PROCR: variants seen among roughly 807,000 people sequenced by gnomAD.
PROCR encodes the protein protein C receptor.
PROCR carries 22 observed loss-of-function variants against 24.2 expected under a neutral mutation model. The observed-to-expected ratio is 0.91, with a 90% CI of 0.65 to 1.30. The LOEUF (loss-of-function observed/expected upper bound fraction) is 1.30, where lower values mean the gene tolerates loss of function less well. Among genes scored for constraint, PROCR ranks in the 50% most tolerant of loss-of-function variants. The pLI is 0.00. For synonymous variants in PROCR, 137 were observed against 139.2 expected (o/e 0.98, Z 0.11); for missense variants, 288 against 307.7 (o/e 0.94, Z 0.48).
intron 1 of PROCR, among the ~76,000 whole-genome samples, chr20:35,185,066 A>C (rs1162129634): frequency 2.6e-5 from 4 of 151,788 alleles, no homozygotes; most frequent in Non-Finnish European, 4.4e-5. Flanking sequence ...CCCAACAAAA[A>C]GTGGGCTAAG....
At chr20:35,200,954 A>G (rs923824834) in intron 1 of PROCR, among the ~76,000 whole-genome samples, 5 of 152,204 alleles carry the variant, frequency 3.3e-5, no homozygotes, top group Middle Eastern at 3.4e-3. Flanking sequence ...GGCCTTAAAC[A>G]TAACTTATAT....
downstream of PROCR, among the ~76,000 whole-genome samples, chr20:35,177,902 T>G (rs1160846016): frequency 6.6e-6 from 1 of 152,138 alleles, no homozygotes; most frequent in South Asian, 2.1e-4. Context: ...TTTAAAACTG[T>G]TCTGTCTACT....
At chr20:35,181,139 A>C (rs2086074750), downstream of PROCR, among the ~76,000 whole-genome samples, 1 of 151,944 alleles carries the variant, frequency 6.6e-6, no homozygotes, top group Non-Finnish European at 1.5e-5. Context: ...AAGTGCTGGG[A>C]TTACAGGCGT....
intron 1 of PROCR, among the ~76,000 whole-genome samples, chr20:35,206,286 A>T (rs2146177485): frequency 6.6e-6 from 1 of 151,828 alleles, no homozygotes; most frequent in Non-Finnish European, 1.5e-5. Context: ...CAGCCTGGCC[A>T]ACATAGTGAA....
intron 1 of PROCR, among the ~76,000 whole-genome samples, chr20:35,185,932 G>A (rs2086121934): frequency 6.6e-6 from 1 of 152,168 alleles, no homozygotes; most frequent in Admixed American, 6.5e-5. Context: ...ACAAGTGTTG[G>A]CAAGAATGTG....
At chr20:35,171,554 A>G (rs2085950569), upstream of PROCR, among the ~76,000 whole-genome samples, 1 of 152,180 alleles carries the variant, frequency 6.6e-6, no homozygotes, top group African/African-American at 2.4e-5. Flanking sequence ...CTTTACACTC[A>G]TTTTATGACT....
chr20:35,215,723 C>A (rs2060379966), intron 1 of PROCR, among the ~76,000 whole-genome samples: 1 of 152,106 alleles, frequency 6.6e-6, no homozygotes, highest in South Asian at 2.1e-4. Flanking sequence ...TCCTTAGAAT[C>A]CACTTCACAG....
chr20:35,191,364 G>A (rs1214388899), intron 1 of PROCR, among the ~76,000 whole-genome samples: 2 of 152,134 alleles, frequency 1.3e-5, no homozygotes, highest in African/African-American at 4.8e-5. Context: ...TGGTTCAGAC[G>A]CTGTTTTAGG....
intron 1 of PROCR, among the ~76,000 whole-genome samples, chr20:35,207,771 C>CT (rs1201139695): frequency 6.6e-6 from 1 of 152,124 alleles, no homozygotes; most frequent in Non-Finnish European, 1.5e-5. Flanking sequence ...CTCAGGTGAT[C>CT]TGCCTGCCTT....
chr20:35,204,922 A>T (rs1246954487), intron 1 of PROCR, among the ~76,000 whole-genome samples: 1 of 152,148 alleles, frequency 6.6e-6, no homozygotes, highest in African/African-American at 2.4e-5. Context: ...TATATTTTTA[A>T]AAAATAATAC....
intron 1 of PROCR, among the ~76,000 whole-genome samples, chr20:35,172,674 G>T (rs546834513): frequency 6.6e-6 from 1 of 152,102 alleles, no homozygotes; most frequent in Non-Finnish European, 1.5e-5. Flanking sequence ...GGTTAGGGGA[G>T]GCTAGGGAAA....
intron 1 of PROCR, 147 bp from the exon 2 acceptor site, chr20:35,174,555 C>G: frequency 1.0e-6 from 1 of 984,856 alleles, no homozygotes; most frequent in Non-Finnish European, 1.6e-6. Flanking sequence ...CTGTCAGCGT[C>G]AAACGGGAGA....
chr20:35,189,946 T>A lies in PROCR; in HGVS notation c.94+13500T>A, dbSNP rs1021480222. ...TCCAATCTGCACCTTACTTTACTGA[T>A]AATAATCCCTCGCCTTTTTGTACAA... On this transcript the variant is annotated intron_variant, in intron 1 of 1. Transcript: ENST00000634509. Among the ~76,000 whole-genome samples the A allele has an allele frequency of 8.5e-5, 13 of 152,220 alleles. 1 individual carries two copies. The highest frequency in any genetic ancestry group is 1.5e-5 in the Non-Finnish European group (1 of 68,036).
chr20:35,185,030 C>CAAAAAAAAAAAAAAAAAA (rs55715132), intron 1 of PROCR, among the ~76,000 whole-genome samples: 2 of 104,102 alleles, frequency 1.9e-5, no homozygotes, highest in East Asian at 3.2e-4. Flanking sequence ...ATCAGTAAGA[C>CAAAAAAAAAAAAAAAAAA]AAAAAAAAAA....
intron 1 of PROCR, among the ~76,000 whole-genome samples, chr20:35,206,031 A>G (rs1355449753): frequency 2.0e-5 from 3 of 150,648 alleles, no homozygotes. Context: ...ATTTTTAAAA[A>G]ATTTTATTTT....
Position 35,174,594 on chromosome 20 carries a change from G to T in PROCR, c.71-108G>T. The T allele has an allele frequency of 1.4e-6, 2 of 1,396,648 alleles. 1 individual carries two copies. The allele number at this position is 1,396,648 out of a possible 1,614,324, so 86.5% of individuals were successfully genotyped here. On this transcript the variant is annotated intron_variant, in intron 1 of 3. Transcript: ENST00000216968. ...GGTGGGAGGGCACATTATAGTTTAT[G>T]AAGGGTCGAGAAGGCGGGCGGCCAG...
chr20:35,204,939 A>G (rs1325341095), intron 1 of PROCR, among the ~76,000 whole-genome samples: 2 of 152,106 alleles, frequency 1.3e-5, no homozygotes, highest in Non-Finnish European at 1.5e-5. Context: ...ATACTTCACT[A>G]CTATGTGGAG....
chr20:35,195,713 C>T (rs971339570), intron 1 of PROCR, among the ~76,000 whole-genome samples: 25 of 149,808 alleles, frequency 1.7e-4, no homozygotes, highest in African/African-American at 5.4e-4. Context: ...CCCAGCTACT[C>T]GGGAGGCTGA....
intron 1 of PROCR, among the ~76,000 whole-genome samples, chr20:35,172,762 G>A (rs2085963222): frequency 6.6e-6 from 1 of 152,118 alleles, no homozygotes; most frequent in Admixed American, 6.5e-5. Flanking sequence ...GGGCGATCAG[G>A]CTACTGAAGT....
Sources: allele counts gnomAD v4.1 joint callset (sites outside exome capture counted in the v4.1 genomes callset), GRCh38; gene constraint gnomAD v4.1.1; transcripts MANE v1.5; gene names NCBI Gene and HGNC (gene_info 2026-07-23, HGNC 2026-07-21).